The following ARHGAP18 variants were observed in gnomAD, a reference collection of about 807,000 sequenced individuals.
ARHGAP18 encodes rho GTPase-activating protein 18.
A neutral mutation model predicts 86.2 loss-of-function variants in ARHGAP18; 67 were observed. That is an observed-to-expected ratio of 0.78 (90% CI 0.64 to 0.95). The LOEUF (loss-of-function observed/expected upper bound fraction) is 0.95, where lower values mean the gene tolerates loss of function less well. ARHGAP18 is among the 40% of genes least tolerant of loss of function. ARHGAP18 has a pLI of 0.00. For missense variants in ARHGAP18, 691 were observed against 780.4 expected (o/e 0.89, Z 1.37); for synonymous variants, 283 against 280.4 (o/e 1.01, Z -0.09).
At chr6:129,631,611 T>G (rs982326514) in intron 4 of ARHGAP18, among the ~76,000 whole-genome samples, 3 of 152,150 alleles carry the variant, frequency 2.0e-5, no homozygotes, top group African/African-American at 7.2e-5. Context: ...ATAAAATTTC[T>G]GTCATCTAGT....
intron 1 of ARHGAP18, among the ~76,000 whole-genome samples, chr6:129,703,572 C>T (rs1425014227): frequency 6.6e-6 from 1 of 152,194 alleles, no homozygotes; most frequent in Non-Finnish European, 1.5e-5. Context: ...ATTAAAAGTT[C>T]TATGAAGATA....
At chr6:129,693,446 TG>T (rs1774560935) in intron 1 of ARHGAP18, among the ~76,000 whole-genome samples, 3 of 152,206 alleles carry the variant, frequency 2.0e-5, no homozygotes, top group Admixed American at 2.0e-4. Flanking sequence ...TGATTACTAA[TG>T]GGGAGAGAAG....
At chr6:129,697,738 A>T (rs1196452968) in intron 1 of ARHGAP18, among the ~76,000 whole-genome samples, 1 of 152,236 alleles carries the variant, frequency 6.6e-6, no homozygotes, top group Non-Finnish European at 1.5e-5. Flanking sequence ...CAGTCTGGAA[A>T]CATTAAAATA....
At position 129,625,465 on chromosome 6, in the gene ARHGAP18, A is replaced by T. The variant is rs573374368; in HGVS notation, c.786+3888T>A. ...ATATTTTATATTATATATTATATAT[A>T]ATATATATTTTATATTATATATTAT... is the stretch of plus-strand genomic sequence containing the variant. On this transcript the variant is annotated intron_variant, in intron 5 of 14. Coordinates refer to ENST00000368149, the MANE Select transcript of ARHGAP18 (RefSeq NM_033515.3). Among the ~76,000 whole-genome samples, 46 of 43,762 alleles carry T rather than the reference A, an allele frequency of 1.1e-3. 6 individuals are homozygous for T. Among genetic ancestry groups the T allele is most frequent in the East Asian group, 2.5e-3 (4 of 1,574 alleles). The allele number at this position is 43,762 out of a possible 152,430, so 28.7% of individuals were successfully genotyped here.
chr6:129,606,351 C>A (rs942593356), intron 9 of ARHGAP18, among the ~76,000 whole-genome samples: 4 of 152,062 alleles, frequency 2.6e-5, no homozygotes, highest in African/African-American at 9.7e-5. Context: ...CTTTTAATGG[C>A]GAGTGAACAA....
intron 1 of ARHGAP18, among the ~76,000 whole-genome samples, chr6:129,661,309 TAAAAAA>T (rs11370799): frequency 9.0e-6 from 1 of 111,234 alleles, no homozygotes; most frequent in Non-Finnish European, 1.8e-5. Context: ...GCAAGAATCT[TAAAAAA>T]AAAAAAAAAA....
rs1239558569 is a variant in ARHGAP18, at chr6:129,600,730, T to A, written c.1484A>T (p.Lys495Met). ...NLFMCHALGL[K>M]SSEQREFVMA... The stretch of plus-strand genomic sequence containing the variant: ...TACAAATTCTCGCTGTTCACTGGAC[T>A]TCAATCCCAATGCATGACACATAAA... The change falls in exon 11 of 15, where the codon AAG becomes ATG. Residue 495 changes from lysine to methionine, a missense_variant. Physicochemically the swap from Lys to Met is moderately conservative, Grantham distance 95 (BLOSUM62 -1). Transcript: ENST00000368149. 4 of 1,613,678 alleles carry A rather than the reference T, an allele frequency of 2.5e-6. No homozygotes were observed. The highest frequency in any genetic ancestry group is 3.4e-6 in the Non-Finnish European group (4 of 1,179,812).
chr6:129,668,682 G>A (rs1465663217), intron 1 of ARHGAP18, among the ~76,000 whole-genome samples: 2 of 152,090 alleles, frequency 1.3e-5, no homozygotes, highest in Admixed American at 6.5e-5. Flanking sequence ...AGCCTTGCCT[G>A]TACCGTCCCC....
intron 10 of ARHGAP18, among the ~76,000 whole-genome samples, chr6:129,603,360 ATG>A (rs1326034802): frequency 3.3e-5 from 5 of 151,990 alleles, no homozygotes; most frequent in Non-Finnish European, 7.4e-5. Flanking sequence ...TACATGGTGT[ATG>A]TGTGTATGTG....
At chr6:129,654,507 G>A (rs1371734344) in intron 1 of ARHGAP18, among the ~76,000 whole-genome samples, 1 of 152,198 alleles carries the variant, frequency 6.6e-6, no homozygotes, top group African/African-American at 2.4e-5. Context: ...TTCACATGGA[G>A]TAGCAAAATT....
At chr6:129,613,278 T>C (rs192499821) in intron 7 of ARHGAP18, among the ~76,000 whole-genome samples, 50 of 151,998 alleles carry the variant, frequency 3.3e-4, no homozygotes, top group African/African-American at 1.2e-3. Context: ...TGGAATATTT[T>C]CCAAGACCAC....
At chr6:129,659,208 T>C (rs1329365207) in intron 1 of ARHGAP18, among the ~76,000 whole-genome samples, 1 of 152,240 alleles carries the variant, frequency 6.6e-6, no homozygotes, top group Non-Finnish European at 1.5e-5. Flanking sequence ...AGGTTGCTGA[T>C]GACTACTGTC....
chr6:129,709,283 G>T (rs1323311098), intron 1 of ARHGAP18, among the ~76,000 whole-genome samples: 1 of 150,446 alleles, frequency 6.6e-6, no homozygotes, highest in African/African-American at 2.4e-5. Context: ...ATTAAGGAGA[G>T]AAAGAAAAAA....
intron 7 of ARHGAP18, among the ~76,000 whole-genome samples, chr6:129,614,982 T>G (rs2114466054): frequency 6.6e-6 from 1 of 152,236 alleles, no homozygotes; most frequent in Non-Finnish European, 1.5e-5. Flanking sequence ...GAGCTTCCAG[T>G]CTGCTAGCCT....
intron 1 of ARHGAP18, among the ~76,000 whole-genome samples, chr6:129,680,180 G>A (rs977932282): frequency 1.2e-4 from 19 of 152,148 alleles, no homozygotes; most frequent in African/African-American, 3.6e-4. Context: ...CTGTGAATTA[G>A]GACCTTTTTA....
chr6:129,596,474 GT>G (rs1207220686), intron 12 of ARHGAP18, among the ~76,000 whole-genome samples: 1 of 152,012 alleles, frequency 6.6e-6, no homozygotes, highest in Non-Finnish European at 1.5e-5. Context: ...TTGTTCTGTT[GT>G]TTTTATTACT....
At chr6:129,690,238 A>C (rs1774502654) in intron 1 of ARHGAP18, among the ~76,000 whole-genome samples, 1 of 152,180 alleles carries the variant, frequency 6.6e-6, no homozygotes. Flanking sequence ...ACATACATGC[A>C]GTGCCTAAAG....
rs368392829 is a variant in ARHGAP18, at chr6:129,642,007, C to T, written c.125G>A (p.Gly42Asp). The change falls in exon 2 of 15, where the codon GGC becomes GAC. Residue 42 changes from glycine (G) to aspartate (D), a missense_variant. Coordinates refer to ENST00000368149, the MANE Select transcript of ARHGAP18 (RefSeq NM_033515.3). Reference sequence around the variant, plus strand: ...GCTTTCCTGGTTCATAGTGTACTGGCCATATCTGCGACTGTAAATTCAAAA... The same window carrying T: ...GCTTTCCTGGTTCATAGTGTACTGGTCATATCTGCGACTGTAAATTCAAAA... ...GEEATSSRRY[G>D]QYTMNQESTT... is the part of the protein sequence containing the mutation. 49 of 1,613,682 alleles carry T rather than the reference C, an allele frequency of 3.0e-5. No homozygotes were observed. In the East Asian group the frequency reaches 7.8e-4, roughly 26 times the overall value.
Position 129,594,489 on chromosome 6 carries a change from A to G in ARHGAP18, c.1713+4727T>C, listed in dbSNP as rs144027258. On this transcript the variant is annotated intron_variant, in intron 12 of 14. Transcript: ENST00000368149. ...CTTTGTCTCTTTATTTTCTTACTCC[A>G]TATATCCACCTTGTGTAATATGAAC... Among the ~76,000 whole-genome samples the G allele has an allele frequency of 1.8e-3, 273 of 152,254 alleles. 1 individual carries two copies. Among genetic ancestry groups the G allele is most frequent in the African/African-American group, 6.1e-3 (253 of 41,536 alleles).
Sources: allele counts gnomAD v4.1 joint callset (sites outside exome capture counted in the v4.1 genomes callset), GRCh38; gene constraint gnomAD v4.1.1; transcripts MANE v1.5; gene names NCBI Gene and HGNC (gene_info 2026-07-23, HGNC 2026-07-21).